The following KCNIP4 variants were observed in gnomAD, a reference collection of about 807,000 sequenced individuals.
KCNIP4 encodes Kv channel-interacting protein 4.
A neutral mutation model predicts 34.0 loss-of-function variants in KCNIP4; 12 were observed. The ratio of observed to expected loss-of-function variants is 0.35; its 90% CI spans 0.23 to 0.57. The LOEUF is 0.57. KCNIP4 is among the 20% of genes least tolerant of loss of function. The pLI is 0.83. For missense variants in KCNIP4, 238 were observed against 311.7 expected (o/e 0.76, Z 1.78); for synonymous variants, 124 against 102.2 (o/e 1.21, Z -1.29).
chr4:21,823,610 C>T (rs956668435), intron 1 of KCNIP4, among the ~76,000 whole-genome samples: 2 of 151,714 alleles, frequency 1.3e-5, no homozygotes, highest in Admixed American at 6.6e-5. Context: ...CCCAAATACA[C>T]TAAATCAGAA....
intron 1 of KCNIP4, among the ~76,000 whole-genome samples, chr4:21,883,204 C>T (rs1221782530): frequency 6.7e-6 from 1 of 148,268 alleles, no homozygotes; most frequent in Non-Finnish European, 1.5e-5. Context: ...CTCTGTCACT[C>T]AGGCAATCAC....
intron 1 of KCNIP4, among the ~76,000 whole-genome samples, chr4:20,965,009 G>A (rs1734209126): frequency 6.6e-6 from 1 of 152,098 alleles, no homozygotes; most frequent in Non-Finnish European, 1.5e-5. Context: ...AACTTTAAAT[G>A]ATTCTATTTA....
chr4:20,832,906 G>A (rs1466986378), intron 3 of KCNIP4, among the ~76,000 whole-genome samples: 12 of 152,210 alleles, frequency 7.9e-5, no homozygotes, highest in South Asian at 2.1e-4. Flanking sequence ...TTTGGAGTTC[G>A]GTGGTTTTAA....
At chr4:20,812,168 A>G (rs1578678198) in intron 3 of KCNIP4, among the ~76,000 whole-genome samples, 1 of 152,202 alleles carries the variant, frequency 6.6e-6, no homozygotes, top group Admixed American at 6.5e-5. Context: ...GGCTAAGGAA[A>G]GGCAATTTTT....
chr4:21,177,251 C>A (rs754335369), intron 1 of KCNIP4, among the ~76,000 whole-genome samples: 5 of 152,208 alleles, frequency 3.3e-5, no homozygotes, highest in East Asian at 3.9e-4. Flanking sequence ...TATACTCAAG[C>A]ATTCTCAAAA....
In KCNIP4 at chr4:21,464,524, C is replaced by T. The variant is rs558758173; in HGVS notation, c.61+484047G>A. On this transcript the variant is annotated intron_variant, in intron 1 of 8. Coordinates refer to ENST00000382152, the MANE Select transcript of KCNIP4 (RefSeq NM_025221.6). ...CTAAATTTCCTTCTGTTACTGATTT[C>T]TCATTTCATTCCACTGTGGTTGGAG... 3.3e-5 allele frequency among the ~76,000 whole-genome samples: 5 copies of T among 152,154 alleles called. No homozygotes were observed. In the South Asian group the frequency reaches 1.0e-3, roughly 32 times the overall value.
intron 1 of KCNIP4, among the ~76,000 whole-genome samples, chr4:20,965,371 C>T (rs1734242653): frequency 6.6e-6 from 1 of 152,152 alleles, no homozygotes. Context: ...AATCTCACCA[C>T]TGACACCATT....
intron 1 of KCNIP4, among the ~76,000 whole-genome samples, chr4:21,485,019 T>C (rs1039982562): frequency 2.6e-5 from 4 of 152,208 alleles, no homozygotes; most frequent in Non-Finnish European, 5.9e-5. Flanking sequence ...AGATATTGAT[T>C]TTCTTTGCTC....
At chr4:21,052,041 A>G (rs1742980224) in intron 1 of KCNIP4, among the ~76,000 whole-genome samples, 1 of 152,220 alleles carries the variant, frequency 6.6e-6, no homozygotes, top group Non-Finnish European at 1.5e-5. Context: ...TTAGAAATAA[A>G]GAGACCATTA....
chr4:21,333,578 C>G lies in KCNIP4; in HGVS notation c.62-450869G>C, dbSNP rs141196190. On this transcript the variant is annotated intron_variant, in intron 1 of 8. Coordinates refer to ENST00000382152, the MANE Select transcript of KCNIP4 (RefSeq NM_025221.6). ...TTTAATGTAAGTTCCTGAATCTAAT[C>G]CCAGTCTTTTGTATTTTTTCGTTCT... Among the ~76,000 whole-genome samples, 416 of 151,954 alleles carry G rather than the reference C, an allele frequency of 2.7e-3. 3 individuals carry two copies. Among genetic ancestry groups the G allele is most frequent in the South Asian group, 0.023 (110 of 4,826 alleles).
At chr4:20,832,710 T>A (rs1295373366) in intron 3 of KCNIP4, among the ~76,000 whole-genome samples, 3 of 148,100 alleles carry the variant, frequency 2.0e-5, no homozygotes, top group Non-Finnish European at 4.4e-5. Flanking sequence ...GTTGACCTAT[T>A]TGAATGCTTT....
chr4:21,316,393 G>A (rs771243306), intron 1 of KCNIP4: 8 of 152,028 alleles, frequency 5.3e-5, no homozygotes, highest in Non-Finnish European at 1.0e-4. Flanking sequence ...CTATCTGGAG[G>A]GTACAAGGAA....
chr4:21,327,119 T>C (rs1400881060), intron 1 of KCNIP4, among the ~76,000 whole-genome samples: 1 of 152,102 alleles, frequency 6.6e-6, no homozygotes, highest in Non-Finnish European at 1.5e-5. Context: ...GTTCTTAATA[T>C]GTTTTTCTGT....
At chr4:20,763,672 T>TC (rs1431890533) in intron 3 of KCNIP4, among the ~76,000 whole-genome samples, 3 of 152,130 alleles carry the variant, frequency 2.0e-5, no homozygotes, top group Non-Finnish European at 2.9e-5. Context: ...TGAAAGATAC[T>TC]CCAAGTGTCT....
At chr4:20,900,856 G>A (rs1727088023) in intron 1 of KCNIP4, among the ~76,000 whole-genome samples, 2 of 152,036 alleles carry the variant, frequency 1.3e-5, no homozygotes, top group African/African-American at 4.8e-5. Flanking sequence ...GATATCTGGA[G>A]AAAGCAATAT....
intron 1 of KCNIP4, among the ~76,000 whole-genome samples, chr4:21,923,981 G>A (rs564395997): frequency 6.6e-6 from 1 of 152,280 alleles, no homozygotes; most frequent in Admixed American, 6.5e-5. Flanking sequence ...TGCCACAGAA[G>A]AGAGTCAGGT....
intron 3 of KCNIP4, among the ~76,000 whole-genome samples, chr4:20,816,514 C>T (rs902458377): frequency 6.6e-5 from 10 of 152,138 alleles, no homozygotes; most frequent in Admixed American, 5.9e-4. Context: ...ATTTCCTTAT[C>T]CCCAGCAGGT....
chr4:21,068,330 G>C (rs1269551591), intron 1 of KCNIP4, among the ~76,000 whole-genome samples: 3 of 152,062 alleles, frequency 2.0e-5, no homozygotes, highest in African/African-American at 7.3e-5. Context: ...GTAGCTAAAG[G>C]GCTCTTTTGA....
At chr4:20,732,841 TAAG>T in intron 6 of KCNIP4, 56 bp from the exon 7 acceptor site, 1 of 1,051,744 alleles carries the variant, frequency 9.5e-7, no homozygotes. Context: ...GAAACCAGTC[TAAG>T]AAGCTCTGAC....
Sources: allele counts gnomAD v4.1 joint callset (sites outside exome capture counted in the v4.1 genomes callset), GRCh38; gene constraint gnomAD v4.1.1; transcripts MANE v1.5; gene names NCBI Gene and HGNC (gene_info 2026-07-23, HGNC 2026-07-21).